The following LRRTM4 variants were observed in gnomAD, a reference collection of about 807,000 sequenced individuals.
LRRTM4 encodes the protein leucine-rich repeat transmembrane neuronal protein 4.
In LRRTM4, 25 loss-of-function variants were observed where a neutral mutation model predicts 47.6. That is an observed-to-expected ratio of 0.53 (90% CI 0.38 to 0.73). LRRTM4 has a LOEUF of 0.73. LRRTM4 is among the 30% of genes least tolerant of loss of function. The pLI, the probability that LRRTM4 is intolerant of heterozygous loss-of-function variation, is 0.00. For missense variants in LRRTM4, 638 were observed against 713.4 expected (o/e 0.89, Z 1.20); for synonymous variants, 311 against 269.5 (o/e 1.15, Z -1.51).
chr2:77,229,378 G>A (rs879286367), intron 3 of LRRTM4, among the ~76,000 whole-genome samples: 4 of 151,874 alleles, frequency 2.6e-5, no homozygotes, highest in Non-Finnish European at 5.9e-5. Context: ...AACTTTCTAC[G>A]AGAGTCTTAA....
At chr2:77,347,055 A>G (rs1256715569) in intron 3 of LRRTM4, among the ~76,000 whole-genome samples, 1 of 152,174 alleles carries the variant, frequency 6.6e-6, no homozygotes. Flanking sequence ...TAGGGTGGCC[A>G]AAGAAGCAAA....
At chr2:77,481,398 G>A (rs550605890) in intron 3 of LRRTM4, among the ~76,000 whole-genome samples, 41 of 152,142 alleles carry the variant, frequency 2.7e-4, no homozygotes, top group Non-Finnish European at 5.6e-4. Flanking sequence ...CCTGGCTTTA[G>A]CAAGGCAATA....
chr2:76,757,540 G>A (rs1264414388), intron 3 of LRRTM4, among the ~76,000 whole-genome samples: 1 of 152,124 alleles, frequency 6.6e-6, no homozygotes, highest in South Asian at 2.1e-4. Context: ...TAATGAGCTG[G>A]ATTAATTAGC....
At chr2:77,360,526 CGATACG>C (rs1672162127) in intron 3 of LRRTM4, among the ~76,000 whole-genome samples, 1 of 133,552 alleles carries the variant, frequency 7.5e-6, no homozygotes, top group Non-Finnish European at 1.6e-5. Context: ...CGATACGATA[CGATACG>C]ATACAATACA....
intron 3 of LRRTM4, among the ~76,000 whole-genome samples, chr2:77,033,566 T>G (rs1573478127): frequency 6.6e-6 from 1 of 152,048 alleles, no homozygotes; most frequent in South Asian, 2.1e-4. Flanking sequence ...AAAACAGTAT[T>G]TTAAAAATTC....
intron 3 of LRRTM4, among the ~76,000 whole-genome samples, chr2:76,891,422 T>A (rs1673250872): frequency 6.6e-6 from 1 of 151,728 alleles, no homozygotes; most frequent in Non-Finnish European, 1.5e-5. Context: ...ATTTTAGCAA[T>A]CGGATGTTGG....
intron 3 of LRRTM4, among the ~76,000 whole-genome samples, chr2:76,790,054 T>G (rs1412891570): frequency 6.6e-6 from 1 of 152,196 alleles, no homozygotes; most frequent in East Asian, 1.9e-4. Flanking sequence ...ATTCCTTCTC[T>G]TAGATTCCCT....
At chr2:76,793,709 T>TCTTCCATTTCATCATAA (rs1412197035) in intron 3 of LRRTM4, among the ~76,000 whole-genome samples, 1 of 152,142 alleles carries the variant, frequency 6.6e-6, no homozygotes. Flanking sequence ...TTGCAAAGTG[T>TCTTCCATTTCATCATAA]CTTCCATTTC....
intron 3 of LRRTM4, among the ~76,000 whole-genome samples, chr2:77,223,332 C>T (rs1403413516): frequency 6.6e-6 from 1 of 152,120 alleles, no homozygotes; most frequent in Non-Finnish European, 1.5e-5. Flanking sequence ...CACTCCTATT[C>T]AACATAGTGT....
chr2:77,153,843 G>A (rs746144686), intron 3 of LRRTM4, among the ~76,000 whole-genome samples: 1 of 152,118 alleles, frequency 6.6e-6, no homozygotes, highest in Admixed American at 6.6e-5. Context: ...TTTAAAGAGT[G>A]TAACTTTTGT....
At chr2:76,939,601 A>T (rs1346429771) in intron 3 of LRRTM4, among the ~76,000 whole-genome samples, 1 of 151,948 alleles carries the variant, frequency 6.6e-6, no homozygotes, top group East Asian at 1.9e-4. Flanking sequence ...GAAGGAATAG[A>T]ACCAATATTT....
intron 3 of LRRTM4, among the ~76,000 whole-genome samples, chr2:76,939,225 G>T (rs1675054694): frequency 6.6e-6 from 1 of 152,080 alleles, no homozygotes; most frequent in African/African-American, 2.4e-5. Context: ...ATTTTAAGTG[G>T]CTTAACACAA....
chr2:77,115,855 G>C (rs1480226783), intron 3 of LRRTM4, among the ~76,000 whole-genome samples: 1 of 152,066 alleles, frequency 6.6e-6, no homozygotes, highest in Non-Finnish European at 1.5e-5. Context: ...TTCAACATTT[G>C]TGCTTTCCAT....
At chr2:77,312,095 CAT>C (rs966471239) in intron 3 of LRRTM4, among the ~76,000 whole-genome samples, 11 of 152,242 alleles carry the variant, frequency 7.2e-5, no homozygotes, top group Admixed American at 6.5e-4. Flanking sequence ...ACTGTTGAAA[CAT>C]GTGGTGTTTC....
intron 3 of LRRTM4, among the ~76,000 whole-genome samples, chr2:77,135,160 A>G (rs1430237935): frequency 6.6e-6 from 1 of 152,188 alleles, no homozygotes; most frequent in African/African-American, 2.4e-5. Flanking sequence ...TTCCAACTCC[A>G]CAGAATCAGT....
At chr2:76,836,998 A>G (rs1441076177) in intron 3 of LRRTM4, among the ~76,000 whole-genome samples, 1 of 152,112 alleles carries the variant, frequency 6.6e-6, no homozygotes, top group Non-Finnish European at 1.5e-5. Flanking sequence ...CTCAAATATT[A>G]AGTTGGAATC....
intron 3 of LRRTM4, among the ~76,000 whole-genome samples, chr2:77,439,754 T>C (rs1675758837): frequency 1.3e-5 from 2 of 152,216 alleles, no homozygotes; most frequent in South Asian, 4.1e-4. Context: ...GTGACGCTAC[T>C]ATACTGTGCC....
chr2:76,779,700 C>T lies in LRRTM4; in HGVS notation c.1552-30784G>A, dbSNP rs551103932. ...TCCTGAATACAGCACACTGATGGGTCTTGACTCTTTATCCAATTTGCCAGT... is the reference window on the plus strand; with the variant it reads ...TCCTGAATACAGCACACTGATGGGTTTTGACTCTTTATCCAATTTGCCAGT... On this transcript the variant is annotated intron_variant, in intron 3 of 3. Transcript: ENST00000409884. 9.9e-5 allele frequency among the ~76,000 whole-genome samples: 15 copies of T among 151,960 alleles called. No individual in the cohort carries two copies. The South Asian group carries it at 2.9e-3, about 30-fold the overall frequency.
At chr2:77,500,521 A>G (rs1261678874) in intron 3 of LRRTM4, among the ~76,000 whole-genome samples, 1 of 151,702 alleles carries the variant, frequency 6.6e-6, no homozygotes, top group African/African-American at 2.4e-5. Context: ...TTCATATTAG[A>G]AACAAAAATC....
Sources: allele counts gnomAD v4.1 joint callset (sites outside exome capture counted in the v4.1 genomes callset), GRCh38; gene constraint gnomAD v4.1.1; transcripts MANE v1.5; gene names NCBI Gene and HGNC (gene_info 2026-07-23, HGNC 2026-07-21).